Variants in LRRC36 observed in about 807,000 individuals in gnomAD.
The protein encoded by LRRC36 is leucine rich repeat containing 36, also known as leucine-rich repeat-containing protein 36.
A neutral mutation model predicts 81.1 loss-of-function variants in LRRC36; 62 were observed. That is an observed-to-expected ratio of 0.76 (90% CI 0.62 to 0.94). LRRC36 has a LOEUF of 0.94. LRRC36 is among the 40% of genes least tolerant of loss of function. The pLI, the probability that LRRC36 is intolerant of heterozygous loss-of-function variation, is 0.00. For synonymous variants in LRRC36, 334 were observed against 348.6 expected (o/e 0.96, Z 0.47); for missense variants, 761 against 881.7 (o/e 0.86, Z 1.73).
intron 2 of LRRC36, among the ~76,000 whole-genome samples, chr16:67,343,692 C>CA (rs533517669): frequency 0.11 from 11,629 of 108,000 alleles, 707 homozygotes; most frequent in African/African-American, 0.22. Flanking sequence ...GAGACCATCT[C>CA]AAAAAAAAAA....
intron 1 of LRRC36, 163 bp downstream of exon 1, chr16:67,327,095 A>C (rs1478731492): frequency 1.7e-5 from 10 of 602,038 alleles, no homozygotes; most frequent in Non-Finnish European, 2.1e-5. Context: ...AGAAGGTTAG[A>C]GGGAGGTGGA....
chr16:67,376,905 C>T, intron 11 of LRRC36, 33 bp downstream of exon 11: 1 of 1,574,714 alleles, frequency 6.4e-7, no homozygotes, highest in Non-Finnish European at 8.7e-7. Flanking sequence ...TAGAAAAGGA[C>T]AGAGCAGCAG....
Position 67,346,382 on chromosome 16 carries a change from G to A in LRRC36, c.325G>A (p.Val109Ile), listed in dbSNP as rs745841431. 4 of 1,613,176 alleles carry A rather than the reference G, an allele frequency of 2.5e-6. No individual in the cohort carries two copies. The African/African-American group carries it at 4.0e-5, about 16-fold the overall frequency. The change falls in exon 3 of 14, where the codon GTT (valine) becomes ATT (isoleucine). Residue 109 changes from valine (V) to isoleucine (I), a missense_variant. By Grantham distance (29) the Val-to-Ile change is conservative. Transcript: ENST00000329956. ...AGAACTGGATTTGAGACTTAATCCT[G>A]TTGTAAGGAAAGATACAGATTATAG... ...LKELDLRLNPVVRKDTDYRLF... is the reference protein window; with the variant it reads ...LKELDLRLNPIVRKDTDYRLF...
At chr16:67,363,773 C>T in intron 6 of LRRC36, 59 bp downstream of exon 6, 1 of 1,557,640 alleles carries the variant, frequency 6.4e-7, no homozygotes, top group East Asian at 2.3e-5. Context: ...ACTGATAATT[C>T]AGTGGGCTCT....
In LRRC36 at chr16:67,340,992, T is replaced by TATTC. The variant is rs1567470099; in HGVS notation, c.71-965_71-964insATTC. Among the ~76,000 whole-genome samples, 149 of 101,060 alleles carry TATTC rather than the reference T, an allele frequency of 1.5e-3. 6 individuals carry two copies. Among genetic ancestry groups the TATTC allele is most frequent in the African/African-American group, 7.6e-3 (99 of 13,014 alleles). The allele number at this position is 101,060 out of a possible 152,430, so 66.3% of individuals were successfully genotyped here. ...TTCTATAGAATATAGAATATGTATA[T>TATTC]TATATATAGAATATGTATTCTATAG... On this transcript the variant is annotated intron_variant, in intron 1 of 13. Transcript: ENST00000329956.
chr16:67,348,827 G>A (rs149797076), intron 4 of LRRC36, among the ~76,000 whole-genome samples: 75 of 152,184 alleles, frequency 4.9e-4, no homozygotes, highest in Non-Finnish European at 8.5e-4. Context: ...ACGATGCTAA[G>A]AAATAATGTA....
intron 2 of LRRC36, among the ~76,000 whole-genome samples, chr16:67,344,990 A>AT (rs397978171): frequency 0.066 from 9,716 of 147,022 alleles, 790 homozygotes; most frequent in African/African-American, 0.2. Flanking sequence ...CATTTTTACT[A>AT]TTTTTTTTTT....
chr16:67,370,859 C>T, intron 8 of LRRC36, 85 bp from the exon 9 acceptor site: 1 of 1,157,430 alleles, frequency 8.6e-7, no homozygotes, highest in Non-Finnish European at 1.3e-6. Context: ...TATTATGACC[C>T]TTGGACTACA....
At chr16:67,330,134 C>T (rs1340988163) in intron 1 of LRRC36, among the ~76,000 whole-genome samples, 1 of 151,650 alleles carries the variant, frequency 6.6e-6, no homozygotes, top group African/African-American at 2.4e-5. Flanking sequence ...CCTGTACTTC[C>T]TATGAATTGG....
intron 8 of LRRC36, among the ~76,000 whole-genome samples, chr16:67,367,823 C>T (rs111580206): frequency 2.0e-5 from 3 of 151,970 alleles, no homozygotes; most frequent in South Asian, 2.1e-4. Flanking sequence ...GAGGCTGAGC[C>T]GGGTGGATCA....
chr16:67,335,915 A>G (rs1264234400), intron 1 of LRRC36, among the ~76,000 whole-genome samples: 2 of 152,046 alleles, frequency 1.3e-5, no homozygotes, highest in African/African-American at 4.8e-5. Flanking sequence ...TATTTTTAGT[A>G]GAGACAGGGT....
intron 13 of LRRC36, among the ~76,000 whole-genome samples, chr16:67,383,781 A>G (rs2040196869): frequency 6.6e-6 from 1 of 152,246 alleles, no homozygotes; most frequent in African/African-American, 2.4e-5. Flanking sequence ...ATGAAATAAG[A>G]TAAATCCAGA....
intron 5 of LRRC36, among the ~76,000 whole-genome samples, chr16:67,358,245 A>T (rs2038988723): frequency 6.6e-6 from 1 of 152,100 alleles, no homozygotes; most frequent in African/African-American, 2.4e-5. Context: ...AAAAATTAAA[A>T]TTTTTGTGTT....
intron 4 of LRRC36, 45 bp from the exon 5 acceptor site, chr16:67,350,157 C>CTTTT: frequency 8.8e-6 from 10 of 1,135,054 alleles, no homozygotes; most frequent in Middle Eastern, 2.2e-4. Context: ...TCTCAGAAGC[C>CTTTT]TTTTTTTTTT....
At chr16:67,341,278 TCTATAGTCTATAGACAGTCTATAGA>T (rs1217614232) in intron 1 of LRRC36, among the ~76,000 whole-genome samples, 1 of 135,062 alleles carries the variant, frequency 7.4e-6, no homozygotes, top group Non-Finnish European at 1.5e-5. Context: ...CTATAGCCTA[TCTATAGTCTATAGACAGTCTATAGA>T]CTATAGACTA....
intron 1 of LRRC36, among the ~76,000 whole-genome samples, chr16:67,335,143 A>G (rs2037696920): frequency 1.3e-5 from 2 of 152,200 alleles, no homozygotes; most frequent in African/African-American, 4.8e-5. Flanking sequence ...ACCAAAATTT[A>G]TTAGGTGGGA....
chr16:67,337,002 C>G (rs887984418), intron 1 of LRRC36, among the ~76,000 whole-genome samples: 3 of 152,100 alleles, frequency 2.0e-5, no homozygotes, highest in African/African-American at 7.2e-5. Context: ...CTCCTGGCCT[C>G]AAATGATCTG....
chr16:67,364,925 C>T (rs1255411279), intron 6 of LRRC36, among the ~76,000 whole-genome samples: 1 of 152,082 alleles, frequency 6.6e-6, no homozygotes, highest in Non-Finnish European at 1.5e-5. Context: ...AATTTTCAGC[C>T]TATTAAAACC....
chr16:67,383,658 AG>A (rs2040192947), intron 13 of LRRC36, among the ~76,000 whole-genome samples: 1 of 152,188 alleles, frequency 6.6e-6, no homozygotes, highest in Non-Finnish European at 1.5e-5. Flanking sequence ...GAAACCATAC[AG>A]GTTCATTTGT....
Sources: allele counts gnomAD v4.1 joint callset (sites outside exome capture counted in the v4.1 genomes callset), GRCh38; gene constraint gnomAD v4.1.1; transcripts MANE v1.5; gene names NCBI Gene and HGNC (gene_info 2026-07-23, HGNC 2026-07-21).